The following PHEX variants were observed in gnomAD, a reference collection of about 807,000 sequenced individuals.
PHEX encodes phosphate-regulating neutral endopeptidase PHEX.
Under a neutral mutation model 68.0 loss-of-function variants are expected in PHEX, and 16 were observed. The ratio of observed to expected loss-of-function variants is 0.24; its 90% CI spans 0.16 to 0.36. PHEX has a LOEUF of 0.36. PHEX is among the 10% of genes least tolerant of loss of function. The probability of loss-of-function intolerance (pLI) is 1.00; values close to 1 mark genes in which losing one functional copy is unlikely to be tolerated. For synonymous variants in PHEX, 208 were observed against 205.1 expected (o/e 1.01, Z -0.12); for missense variants, 480 against 575.5 (o/e 0.83, Z 1.70).
intron 1 of PHEX, among the ~76,000 whole-genome samples, chrX:22,038,085 G>A (rs1927104645): frequency 9.0e-6 from 1 of 110,792 alleles, no homozygotes; most frequent in African/African-American, 3.3e-5. Flanking sequence ...CACCTGGGGG[G>A]CTTGTTAAAC....
Position 22,076,484 on chromosome X carries a change from G to A in PHEX, c.436+10G>A. On this transcript the variant is annotated intron_variant, in intron 4 of 21. Transcript: ENST00000379374. ...TCCTGCATGAATGAGAGTGAGTGAT[G>A]AAGAAAACTAAATAAAATATTTACC... 3 of 1,082,638 alleles carry A rather than the reference G, an allele frequency of 2.8e-6. No homozygotes were observed. The highest frequency in any genetic ancestry group is 1.3e-6 in the Non-Finnish European group (1 of 778,071). The allele number at this position is 1,082,638 out of a possible 1,213,427, so 89.2% of individuals were successfully genotyped here.
At chrX:22,114,408 C>T in intron 10 of PHEX, 50 bp from the exon 11 acceptor site, 1 of 1,164,043 alleles carries the variant, frequency 8.6e-7, no homozygotes, top group South Asian at 1.8e-5. Flanking sequence ...TGTTTTCAGC[C>T]ATGGGTTTTA....
intron 9 of PHEX, among the ~76,000 whole-genome samples, chrX:22,106,154 T>G (rs1445893545): frequency 2.7e-5 from 3 of 111,785 alleles, no homozygotes; most frequent in African/African-American, 9.8e-5. Context: ...TTGATATATC[T>G]GAGCATTAGG....
chrX:22,219,410 C>T (rs1935195965), intron 17 of PHEX, among the ~76,000 whole-genome samples: 1 of 112,115 alleles, frequency 8.9e-6, no homozygotes, highest in Non-Finnish European at 1.9e-5. Context: ...TGATTTATAG[C>T]TTCTCCCTTT....
intron 11 of PHEX, among the ~76,000 whole-genome samples, chrX:22,123,894 C>T (rs1931602429): frequency 9.6e-6 from 1 of 103,850 alleles, no homozygotes; most frequent in South Asian, 4.4e-4. Flanking sequence ...TGCAGTGGTG[C>T]GATCTTGGCT....
chrX:22,165,011 C>T (rs1410670659), intron 12 of PHEX, among the ~76,000 whole-genome samples: 1 of 112,137 alleles, frequency 8.9e-6, no homozygotes, highest in Non-Finnish European at 1.9e-5. Context: ...CTTGTAAAAT[C>T]CTAAGTCTTG....
At chrX:22,038,873 C>T (rs761737186) in intron 2 of PHEX, among the ~76,000 whole-genome samples, 2 of 112,003 alleles carry the variant, frequency 1.8e-5, no homozygotes, top group East Asian at 2.8e-4. Context: ...TTCCTCTTTA[C>T]CTTAAGCAGT....
At chrX:22,159,105 C>T (rs907628853) in intron 12 of PHEX, among the ~76,000 whole-genome samples, 5 of 113,198 alleles carry the variant, frequency 4.4e-5, no homozygotes, top group Non-Finnish European at 9.4e-5. Context: ...ATAGCTAAGC[C>T]GTGCGTGCAC....
rs1334332033 is a variant in PHEX at position 22,096,831 on chromosome X, G to A, written c.850-124G>A. 7.4e-6 allele frequency: 4 copies of A among 542,692 alleles called. No homozygotes were observed. The Admixed American group carries it at 8.6e-5, about 12-fold the overall frequency. 44.7% of individuals were successfully genotyped at this position (542,692 alleles called of 1,213,427 possible). A position where few individuals can be genotyped will look rare whatever the true frequency, so the allele number is the denominator to read the frequency against. ...TCTTTTTTTCTCTTCCCCGAGTTGG[G>A]GACCACACCAAAGCCTTGAAAAACT... On this transcript the variant is annotated intron_variant, in intron 7 of 21. Coordinates refer to ENST00000379374, the MANE Select transcript of PHEX (RefSeq NM_000444.6).
chrX:22,203,083 G>GTGAC (rs1337111659), intron 15 of PHEX, among the ~76,000 whole-genome samples: 1 of 111,187 alleles, frequency 9.0e-6, no homozygotes, highest in Non-Finnish European at 1.9e-5. Flanking sequence ...TAAAGGTGGG[G>GTGAC]TGACTAACTT....
chrX:22,247,949 G>A lies in PHEX; in HGVS notation c.2246G>A (p.Trp749Ter). The change falls in exon 22 of 22, where the codon TGG (tryptophan) becomes TAG (stop). Residue 749 changes from tryptophan (W) to a stop codon, truncating the protein, a stop_gained. Coordinates refer to ENST00000379374, the MANE Select transcript of PHEX (RefSeq NM_000444.6). LOFTEE classifies it high-confidence loss of function. ...AGAGGCATGGACTCCTGCCGACTCTGGTAGCTGGGACGCTGGTTTATGGCA... is the reference window on the plus strand; with the variant it reads ...AGAGGCATGGACTCCTGCCGACTCTAGTAGCTGGGACGCTGGTTTATGGCA... ...MNRGMDSCRL[W>*] 1 of 1,188,649 alleles carries A rather than the reference G, an allele frequency of 8.4e-7. No individual in the cohort carries two copies. The highest frequency in any genetic ancestry group is 1.1e-6 in the Non-Finnish European group (1 of 874,264).
intron 12 of PHEX, among the ~76,000 whole-genome samples, chrX:22,154,156 G>A (rs1043115868): frequency 1.8e-5 from 2 of 111,049 alleles, no homozygotes; most frequent in African/African-American, 3.3e-5. Flanking sequence ...AAACAAATAT[G>A]TACAACTGCT....
At chrX:22,153,915 G>C (rs188457303) in intron 12 of PHEX, among the ~76,000 whole-genome samples, 2 of 111,730 alleles carry the variant, frequency 1.8e-5, no homozygotes, top group African/African-American at 6.5e-5. Context: ...AAGTTACTGA[G>C]AGAAAAGTTA....
At chrX:22,191,322 C>T (rs1172688410) in intron 15 of PHEX, among the ~76,000 whole-genome samples, 1 of 112,454 alleles carries the variant, frequency 8.9e-6, no homozygotes, top group African/African-American at 3.2e-5. Context: ...GCCACTGCAC[C>T]TGGCCTTAAA....
intron 3 of PHEX, 78 bp from the exon 4 acceptor site, chrX:22,076,310 A>G: frequency 2.9e-6 from 2 of 690,342 alleles, no homozygotes; most frequent in Non-Finnish European, 4.7e-6. Flanking sequence ...TGGAGGTTGG[A>G]ATTGTGATTA....
chrX:22,116,575 C>T (rs1189740676), intron 11 of PHEX, among the ~76,000 whole-genome samples: 1 of 110,790 alleles, frequency 9.0e-6, no homozygotes, highest in East Asian at 2.8e-4. Flanking sequence ...CATAATAATA[C>T]CAAATGGTTG....
chrX:22,034,645 G>A, intron 1 of PHEX, among the ~76,000 whole-genome samples: 1 of 111,950 alleles, frequency 8.9e-6, no homozygotes, highest in Middle Eastern at 4.6e-3. Context: ...TCTAAGAGGA[G>A]CTCAAATGAT....
chrX:22,164,355 G>A (rs1933239994), intron 12 of PHEX, among the ~76,000 whole-genome samples: 1 of 112,102 alleles, frequency 8.9e-6, no homozygotes, highest in Non-Finnish European at 1.9e-5. Flanking sequence ...TGGCAATGTT[G>A]CTACTAGTAT....
chrX:22,049,858 T>C lies in PHEX; in HGVS notation c.349+2647T>C, dbSNP rs111900755. Among the ~76,000 whole-genome samples the C allele has an allele frequency of 9.1e-3, 1,000 of 109,804 alleles. 12 individuals carry two copies. The highest frequency in any genetic ancestry group is 0.031 in the African/African-American group (926 of 29,867). On this transcript the variant is annotated intron_variant, in intron 3 of 21. Coordinates refer to ENST00000379374, the MANE Select transcript of PHEX (RefSeq NM_000444.6). Reference sequence around the variant, plus strand: ...AGCCGGGGCAACAAGAATGAAACTCTGTCTCAAAAAAAAAAAAAGTTTGTT... The same window carrying C: ...AGCCGGGGCAACAAGAATGAAACTCCGTCTCAAAAAAAAAAAAAGTTTGTT...
Sources: gnomAD v4.1 joint callset for allele counts (sites outside exome capture counted in the v4.1 genomes callset) on GRCh38, gnomAD v4.1.1 for gene constraint, MANE v1.5 for transcripts, NCBI Gene and HGNC (gene_info 2026-07-23, HGNC 2026-07-21) for gene names.